Variants in NPAS3 observed in about 807,000 individuals in gnomAD.
NPAS3 encodes neuronal PAS domain protein 3, also known as neuronal PAS domain-containing protein 3.
Under a neutral mutation model 73.1 loss-of-function variants are expected in NPAS3, and 14 were observed. The ratio of observed to expected loss-of-function variants is 0.19; its 90% CI spans 0.13 to 0.30. NPAS3 has a LOEUF of 0.30. Among genes scored for constraint, NPAS3 ranks in the 10% least tolerant of loss-of-function variants. The pLI is 1.00. For synonymous variants in NPAS3, 620 were observed against 541.5 expected (o/e 1.14, Z -2.01); for missense variants, 1,096 against 1,250.0 (o/e 0.88, Z 1.86).
In NPAS3 at chr14:33,165,742, A is replaced by G. The variant is rs117326232; in HGVS notation, c.141-49440A>G. ...AAGCTTAATTGAAGGTACATTTTGA[A>G]AGAATGTGCACCATTTACCCCACTT... On this transcript the variant is annotated intron_variant, in intron 2 of 11. Coordinates refer to ENST00000356141, the Ensembl canonical transcript of NPAS3. 2.5e-3 allele frequency among the ~76,000 whole-genome samples: 380 copies of G among 152,092 alleles called. 2 individuals carry two copies. The highest frequency in any genetic ancestry group is 4.3e-3 in the Non-Finnish European group (295 of 67,990).
intron 1 of NPAS3, among the ~76,000 whole-genome samples, chr14:32,975,502 A>G (rs1359134646): frequency 1.3e-5 from 2 of 152,158 alleles, no homozygotes; most frequent in East Asian, 3.9e-4. Context: ...TTCAGTTTCT[A>G]GAAGGGACTT....
At chr14:33,357,098 A>G (rs1263938408) in intron 3 of NPAS3, among the ~76,000 whole-genome samples, 2 of 152,200 alleles carry the variant, frequency 1.3e-5, no homozygotes, top group African/African-American at 2.4e-5. Flanking sequence ...GCAGACCTTG[A>G]TCAGCTAACA....
chr14:32,963,100 C>T (rs190917327), intron 1 of NPAS3, among the ~76,000 whole-genome samples: 36 of 152,110 alleles, frequency 2.4e-4, no homozygotes, highest in African/African-American at 7.0e-4. Flanking sequence ...TGATTGCTGA[C>T]GATTCTGAAG....
At chr14:33,467,124 C>G (rs933400472) in intron 4 of NPAS3, among the ~76,000 whole-genome samples, 3 of 152,204 alleles carry the variant, frequency 2.0e-5, no homozygotes, top group African/African-American at 7.2e-5. Context: ...GCGTGAGTGA[C>G]TGTGACTTTG....
chr14:33,660,495 T>C (rs1029041956), intron 5 of NPAS3, among the ~76,000 whole-genome samples: 1 of 152,222 alleles, frequency 6.6e-6, no homozygotes, highest in African/African-American at 2.4e-5. Context: ...TTGGTATGGA[T>C]TGCATGAAAT....
At chr14:33,415,905 C>T (rs2048125309) in intron 4 of NPAS3, among the ~76,000 whole-genome samples, 1 of 151,992 alleles carries the variant, frequency 6.6e-6, no homozygotes, top group African/African-American at 2.4e-5. Flanking sequence ...TTTCCTTCAC[C>T]ACTTGTTGTT....
chr14:33,266,222 A>G (rs243303), intron 3 of NPAS3, among the ~76,000 whole-genome samples: 87,567 of 151,934 alleles, frequency 0.58, 25,648 homozygotes, highest in South Asian at 0.73. Flanking sequence ...TAAATGCACA[A>G]TTTCCTTCCT....
intron 5 of NPAS3, among the ~76,000 whole-genome samples, chr14:33,595,921 A>G (rs1324172486): frequency 2.6e-5 from 4 of 152,122 alleles, no homozygotes; most frequent in Non-Finnish European, 5.9e-5. Context: ...CCGACCGCCT[A>G]GGCCTCCCAA....
chr14:33,452,652 G>A (rs1259133212), intron 4 of NPAS3, among the ~76,000 whole-genome samples: 1 of 151,868 alleles, frequency 6.6e-6, no homozygotes, highest in Non-Finnish European at 1.5e-5. Context: ...GCGGGTGCCT[G>A]TAGTCCCAAC....
intron 4 of NPAS3, among the ~76,000 whole-genome samples, chr14:33,551,079 A>T (rs1479319821): frequency 6.6e-6 from 1 of 152,250 alleles, no homozygotes; most frequent in Non-Finnish European, 1.5e-5. Flanking sequence ...CCTGAAATTA[A>T]CATAGAAGGG....
At chr14:33,415,412 A>G (rs533805632) in intron 4 of NPAS3, among the ~76,000 whole-genome samples, 7 of 152,134 alleles carry the variant, frequency 4.6e-5, no homozygotes, top group Non-Finnish European at 7.4e-5. Flanking sequence ...CCTTCTATCC[A>G]TATCTTATAC....
At chr14:33,145,674 T>G (rs2044213330) in intron 2 of NPAS3, among the ~76,000 whole-genome samples, 1 of 152,196 alleles carries the variant, frequency 6.6e-6, no homozygotes. Flanking sequence ...GCACTGCCCA[T>G]GATAAGTTTT....
chr14:33,165,134 T>C (rs1029605400), intron 2 of NPAS3, among the ~76,000 whole-genome samples: 7 of 152,048 alleles, frequency 4.6e-5, no homozygotes, highest in Admixed American at 6.6e-5. Context: ...AACAAATACT[T>C]ATTGTACTAG....
Position 33,800,419 on chromosome 14 carries a change from C to A in NPAS3, c.2112C>A (p.Gly704=), listed in dbSNP as rs1033310782. ...GCGGCGGCGGTGGGGGTGGCGGTGG[C>A]GGGGGGCTGCACGTGGCCATTCCCG... The change falls in exon 12 of 12, where the codon GGC becomes GGA. Residue 704 remains glycine, a synonymous_variant. Coordinates refer to ENST00000356141, the Ensembl canonical transcript of NPAS3. This position sits in a 1 kb window ranked among gnomAD's most constrained non-coding sequence, Gnocchi z 6.5. 1 of 1,592,776 alleles carries A rather than the reference C, an allele frequency of 6.3e-7. No individual in the cohort carries two copies. The highest frequency in any genetic ancestry group is 2.3e-5 in the East Asian group (1 of 43,040).
In NPAS3 at chr14:33,277,817, A is replaced by G. The variant is rs531140325; in HGVS notation, c.385+62391A>G. Reference sequence around the variant, plus strand: ...CCAGACAGAGGCTTTGGATTTTCTAAGAGGGAAGGGAGGATGTTGGGAGGG... The same window carrying G: ...CCAGACAGAGGCTTTGGATTTTCTAGGAGGGAAGGGAGGATGTTGGGAGGG... On this transcript the variant is annotated intron_variant, in intron 3 of 11. Transcript: ENST00000356141. Among the ~76,000 whole-genome samples the G allele has an allele frequency of 2.0e-5, 3 of 152,202 alleles. No homozygotes were observed. In the East Asian group the frequency reaches 5.8e-4, roughly 29 times the overall value.
chr14:33,557,311 G>A (rs980399979), intron 4 of NPAS3, among the ~76,000 whole-genome samples: 5 of 152,064 alleles, frequency 3.3e-5, no homozygotes, highest in Admixed American at 6.6e-5. Context: ...GAAATATTTC[G>A]CAGCAAAGGT....
At chr14:33,175,915 A>G (rs1465215518) in intron 2 of NPAS3, among the ~76,000 whole-genome samples, 2 of 152,168 alleles carry the variant, frequency 1.3e-5, no homozygotes, top group East Asian at 3.8e-4. Context: ...TGGTTTTAAA[A>G]CAACAACAAC....
At chr14:33,049,044 T>C (rs1276879305) in intron 1 of NPAS3, among the ~76,000 whole-genome samples, 2 of 152,316 alleles carry the variant, frequency 1.3e-5, no homozygotes, top group East Asian at 3.9e-4. Flanking sequence ...TTAGGAGCTT[T>C]CTATATCTAC....
intron 3 of NPAS3, among the ~76,000 whole-genome samples, chr14:33,301,531 C>A (rs2042548358): frequency 6.6e-6 from 1 of 151,674 alleles, no homozygotes; most frequent in Admixed American, 6.6e-5. Flanking sequence ...GTGGTGTACT[C>A]CACCAGACCT....
Sources: allele counts gnomAD v4.1 joint callset (sites outside exome capture counted in the v4.1 genomes callset), GRCh38; gene constraint gnomAD v4.1.1; non-coding constraint Gnocchi (gnomAD v3.1); transcripts MANE v1.5; gene names NCBI Gene and HGNC (gene_info 2026-07-23, HGNC 2026-07-21).